Variants in STAC observed in about 807,000 individuals in gnomAD.
STAC encodes SH3 and cysteine rich domain, also known as SH3 and cysteine-rich domain-containing protein.
STAC carries 43 observed loss-of-function variants against 48.8 expected under a neutral mutation model. The observed-to-expected ratio is 0.88, with a 90% CI of 0.69 to 1.14. STAC has a LOEUF of 1.14. Ranked by LOEUF, STAC falls within the 50% of genes most tolerant of loss-of-function variation. STAC has a pLI of 0.00. For synonymous variants in STAC, 193 were observed against 179.5 expected, an observed-to-expected ratio of 1.07 and a Z score of -0.60; for missense variants, 497 against 504.0, an observed-to-expected ratio of 0.99 and a Z score of 0.13.
At chr3:36,428,279 T>A (rs1450603414) in intron 1 of STAC, among the ~76,000 whole-genome samples, 1 of 152,184 alleles carries the variant, frequency 6.6e-6, no homozygotes, top group Non-Finnish European at 1.5e-5. Flanking sequence ...AGAGACAGAC[T>A]GAATGAAGTT....
intron 1 of STAC, among the ~76,000 whole-genome samples, chr3:36,441,235 T>C (rs1056966157): frequency 1.3e-5 from 2 of 152,158 alleles, no homozygotes; most frequent in African/African-American, 4.8e-5. Flanking sequence ...AATCTCTCCC[T>C]ATCCTCCCTT....
intron 8 of STAC, among the ~76,000 whole-genome samples, chr3:36,507,426 C>T (rs1000969163): frequency 6.6e-6 from 1 of 152,106 alleles, no homozygotes; most frequent in African/African-American, 2.4e-5. Flanking sequence ...ATGATGCTGA[C>T]CTCATAAAAT....
intron 1 of STAC, among the ~76,000 whole-genome samples, chr3:36,398,624 AAAAG>A (rs113715257): frequency 1.6e-5 from 1 of 60,988 alleles, no homozygotes; most frequent in African/African-American, 7.6e-5. Flanking sequence ...AAGGAAGAGA[AAAAG>A]AGAGAGAAAG....
rs867509428 is a variant in STAC, at chr3:36,425,429, C to T, written c.112-17935C>T. Reference sequence around the variant, plus strand: ...TTATGAAAGGCAAAGTAAGACTGACCGAGGACCTGATACAGATTGGAGGAA... The same window carrying T: ...TTATGAAAGGCAAAGTAAGACTGACTGAGGACCTGATACAGATTGGAGGAA... On this transcript the variant is annotated intron_variant, in intron 1 of 10. Coordinates refer to ENST00000273183, the MANE Select transcript of STAC (RefSeq NM_003149.3). Among the ~76,000 whole-genome samples the T allele has an allele frequency of 5.3e-5, 8 of 152,036 alleles. No homozygotes were observed. In the South Asian group the frequency reaches 1.2e-3, roughly 24 times the overall value.
chr3:36,381,453 A>G (rs1049941764), intron 1 of STAC, among the ~76,000 whole-genome samples: 1 of 152,222 alleles, frequency 6.6e-6, no homozygotes, highest in Admixed American at 6.5e-5. Flanking sequence ...AAGAGGATAG[A>G]GTAAAATGTG....
chr3:36,432,190 T>C (rs140371502), intron 1 of STAC, among the ~76,000 whole-genome samples: 1 of 152,316 alleles, frequency 6.6e-6, no homozygotes, highest in African/African-American at 2.4e-5. Context: ...TTTTATTTAA[T>C]CCTCACAACA....
At chr3:36,509,580 C>A (rs755652887) in intron 8 of STAC, among the ~76,000 whole-genome samples, 6 of 152,082 alleles carry the variant, frequency 3.9e-5, no homozygotes, top group Non-Finnish European at 8.8e-5. Flanking sequence ...TCCCATATTT[C>A]TTGGAGGCTT....
At chr3:36,399,742 G>A (rs983648434) in intron 1 of STAC, among the ~76,000 whole-genome samples, 29 of 152,206 alleles carry the variant, frequency 1.9e-4, no homozygotes, top group Non-Finnish European at 3.4e-4. Flanking sequence ...GAGAATCTTG[G>A]AAAAATTTCA....
intron 2 of STAC, among the ~76,000 whole-genome samples, chr3:36,475,152 A>T (rs1215583862): frequency 1.3e-5 from 2 of 151,908 alleles, no homozygotes; most frequent in Non-Finnish European, 2.9e-5. Flanking sequence ...CAGTGGCTTC[A>T]TTTGGTTTAG....
intron 1 of STAC, among the ~76,000 whole-genome samples, chr3:36,389,543 A>G (rs1227326167): frequency 6.6e-6 from 1 of 152,212 alleles, no homozygotes; most frequent in East Asian, 1.9e-4. Context: ...ACAGTATTTT[A>G]TACTCTGACT....
At chr3:36,474,867 T>A (rs961233059) in intron 2 of STAC, among the ~76,000 whole-genome samples, 1 of 152,216 alleles carries the variant, frequency 6.6e-6, no homozygotes, top group Admixed American at 6.5e-5. Flanking sequence ...TAATGGTGCA[T>A]AAGAGTTCAA....
At chr3:36,382,577 T>C (rs1699535048) in intron 1 of STAC, among the ~76,000 whole-genome samples, 1 of 152,226 alleles carries the variant, frequency 6.6e-6, no homozygotes, top group East Asian at 1.9e-4. Flanking sequence ...TTAGTGGAGA[T>C]GAACTATGGC....
At position 36,443,468 on chromosome 3, in the gene STAC, A is replaced by G. The variant is rs1326615439; in HGVS notation, c.216A>G (p.Gln72=). The change falls in exon 2 of 11, where the codon CAA becomes CAG. Residue 72 remains glutamine (Q), a synonymous_variant. Coordinates refer to ENST00000273183, the MANE Select transcript of STAC (RefSeq NM_003149.3). This position sits in a 1 kb window ranked among gnomAD's most constrained non-coding sequence, Gnocchi z 4.2. ...CCAACAGCGAAGACATGAAACTGCA[A>G]GCACACATGGTGGCTGAGATCAGCC... ...QRTNSEDMKL[Q]AHMVAEISPS... 19 of 1,614,118 alleles carry G rather than the reference A, an allele frequency of 1.2e-5. No individual in the cohort carries two copies. Among genetic ancestry groups the G allele is most frequent in the Non-Finnish European group, 1.4e-5 (17 of 1,180,046 alleles).
At chr3:36,541,497 G>A (rs906214735) in intron 10 of STAC, among the ~76,000 whole-genome samples, 1 of 152,220 alleles carries the variant, frequency 6.6e-6, no homozygotes, top group African/African-American at 2.4e-5. Context: ...GAGTGAATTA[G>A]TCTGGCTCCA....
Position 36,380,668 on chromosome 3 carries a change from G to A in STAC, c.25G>A (p.Glu9Lys). The part of the protein sequence containing the change: MIPPSSPR[E>K]DGVDGLPKEA... ...GATGATCCCTCCGAGCAGCCCCCGCGAGGACGGCGTGGACGGGCTGCCCAA... is the reference window on the plus strand; with the variant it reads ...GATGATCCCTCCGAGCAGCCCCCGCAAGGACGGCGTGGACGGGCTGCCCAA... The change falls in exon 1 of 11, where the codon GAG becomes AAG. Residue 9 changes from glutamate (E) to lysine (K), a missense_variant. Glu to Lys is a moderately conservative substitution (Grantham distance 56). Coordinates refer to ENST00000273183, the MANE Select transcript of STAC (RefSeq NM_003149.3). The A allele has an allele frequency of 6.2e-7, 1 of 1,603,844 alleles. No homozygotes were observed. The highest frequency in any genetic ancestry group is 8.5e-7 in the Non-Finnish European group (1 of 1,175,726).
intron 8 of STAC, among the ~76,000 whole-genome samples, chr3:36,512,806 A>T (rs1257832523): frequency 1.3e-5 from 2 of 151,476 alleles, no homozygotes; most frequent in African/African-American, 2.4e-5. Flanking sequence ...TTTTGCCAAG[A>T]GTTTGTAGGT....
intron 10 of STAC, among the ~76,000 whole-genome samples, chr3:36,544,821 A>G (rs2125507191): frequency 6.6e-6 from 1 of 152,296 alleles, no homozygotes; most frequent in East Asian, 1.9e-4. Context: ...TCTGCTCTTC[A>G]TGAAACAGTC....
intron 1 of STAC, among the ~76,000 whole-genome samples, chr3:36,421,974 AG>A (rs1218481338): frequency 6.6e-6 from 1 of 152,132 alleles, no homozygotes; most frequent in African/African-American, 2.4e-5. Flanking sequence ...AAAAGTAGAG[AG>A]TATATAAAAT....
At chr3:36,514,616 A>C (rs902883124) in intron 8 of STAC, among the ~76,000 whole-genome samples, 7 of 152,210 alleles carry the variant, frequency 4.6e-5, no homozygotes, top group African/African-American at 1.7e-4. Flanking sequence ...CTCATTCTTG[A>C]AACATAGTAG....
Sources: allele counts gnomAD v4.1 joint callset (sites outside exome capture counted in the v4.1 genomes callset), GRCh38; gene constraint gnomAD v4.1.1; non-coding constraint Gnocchi (gnomAD v3.1); transcripts MANE v1.5; gene names NCBI Gene and HGNC (gene_info 2026-07-23, HGNC 2026-07-21).